CTSC: variants seen among roughly 807,000 people sequenced by gnomAD.
CTSC encodes dipeptidyl peptidase 1.
Under a neutral mutation model 40.9 loss-of-function variants are expected in CTSC, and 37 were observed. The ratio of observed to expected loss-of-function variants is 0.91; its 90% CI spans 0.70 to 1.19. CTSC has a LOEUF of 1.19. CTSC is among the 50% of genes most tolerant of loss of function. CTSC has a pLI of 0.00. For synonymous variants in CTSC, 232 were observed against 207.4 expected, an observed-to-expected ratio of 1.12 and a Z score of -1.02; for missense variants, 594 against 567.3, an observed-to-expected ratio of 1.05 and a Z score of -0.48.
intron 6 of CTSC, among the ~76,000 whole-genome samples, chr11:88,295,407 C>T (rs1181508010): frequency 6.6e-6 from 1 of 151,964 alleles, no homozygotes; most frequent in Admixed American, 6.6e-5. Context: ...ATAACAGGGC[C>T]TCACTCCGTT....
chr11:88,302,473 A>T (rs959097026), intron 4 of CTSC, among the ~76,000 whole-genome samples: 1 of 152,018 alleles, frequency 6.6e-6, no homozygotes, highest in Admixed American at 6.6e-5. Flanking sequence ...AATACAAAAA[A>T]AAATTAGCTG....
chr11:88,310,562 G>C (rs1184462628), intron 3 of CTSC, among the ~76,000 whole-genome samples: 1 of 152,080 alleles, frequency 6.6e-6, no homozygotes, highest in Non-Finnish European at 1.5e-5. Flanking sequence ...TGTGTGTAGA[G>C]AGAGAATTTT....
At chr11:88,336,415 C>G (rs970373985) in intron 1 of CTSC, among the ~76,000 whole-genome samples, 1 of 150,810 alleles carries the variant, frequency 6.6e-6, no homozygotes, top group Admixed American at 6.6e-5. Context: ...GGCATGTGCC[C>G]GTAATCCTAG....
chr11:88,335,191 C>A, intron 1 of CTSC, 109 bp from the exon 2 acceptor site: 1 of 781,510 alleles, frequency 1.3e-6, no homozygotes, highest in East Asian at 2.6e-5. Flanking sequence ...TCATGCTACC[C>A]AGTTTGAGCA....
At chr11:88,326,398 G>T in intron 2 of CTSC, 1 of 1,613,950 alleles carries the variant, frequency 6.2e-7, no homozygotes, top group Non-Finnish European at 8.5e-7. Flanking sequence ...GTCTGTTCAT[G>T]GCTGTGGTTT....
intron 4 of CTSC, among the ~76,000 whole-genome samples, chr11:88,301,605 A>G (rs1944361291): frequency 6.6e-6 from 1 of 152,194 alleles, no homozygotes; most frequent in Non-Finnish European, 1.5e-5. Context: ...CAGGCTGACT[A>G]GCTCCGTAAA....
chr11:88,331,456 C>A (rs1938352268), intron 2 of CTSC, among the ~76,000 whole-genome samples: 1 of 152,202 alleles, frequency 6.6e-6, no homozygotes, highest in South Asian at 2.1e-4. Flanking sequence ...TACACAGGCA[C>A]TTGAAGAGAT....
intron 2 of CTSC, among the ~76,000 whole-genome samples, chr11:88,318,295 A>C (rs1383533653): frequency 6.6e-6 from 1 of 152,244 alleles, no homozygotes; most frequent in Non-Finnish European, 1.5e-5. Context: ...GAGCAAGTCA[A>C]AACTAGTGAG....
chr11:88,316,180 G>C (rs941634112), intron 2 of CTSC, among the ~76,000 whole-genome samples: 21 of 152,216 alleles, frequency 1.4e-4, no homozygotes, highest in African/African-American at 4.8e-4. Flanking sequence ...TGCCTGCCTA[G>C]GGTTTTTGAC....
intron 2 of CTSC, chr11:88,324,310 A>T (rs941490919): frequency 1.7e-5 from 15 of 893,670 alleles, no homozygotes; most frequent in Non-Finnish European, 1.6e-5. Flanking sequence ...CCCTAGAAGA[A>T]AATCTAGGAA....
intron 5 of CTSC, chr11:88,296,833 A>G (rs11019226): frequency 0.037 from 5,903 of 159,514 alleles, 222 homozygotes; most frequent in South Asian, 0.15. Context: ...TATAGAGAGA[A>G]GTCAGCCTGT....
At chr11:88,325,423 G>A in intron 2 of CTSC, 7 of 985,344 alleles carry the variant, frequency 7.1e-6, no homozygotes, top group Non-Finnish European at 8.4e-6. Context: ...TATTCATGAT[G>A]CTCACAGACT....
At chr11:88,325,363 G>A in intron 2 of CTSC, 15 of 985,386 alleles carry the variant, frequency 1.5e-5, no homozygotes, top group Non-Finnish European at 1.7e-5. Context: ...AAGCTTCAAG[G>A]CAGTTCTTCT....
chr11:88,318,686 AC>A (rs1308852790), intron 2 of CTSC, among the ~76,000 whole-genome samples: 52 of 152,312 alleles, frequency 3.4e-4, no homozygotes, highest in African/African-American at 1.3e-3. Flanking sequence ...CGGGTGGATC[AC>A]CTGAAGTCGG....
At chr11:88,316,847 A>G (rs1051545639) in intron 2 of CTSC, among the ~76,000 whole-genome samples, 1 of 152,268 alleles carries the variant, frequency 6.6e-6, no homozygotes, top group Non-Finnish European at 1.5e-5. Context: ...GTATTACTTC[A>G]GAAGTGCAAA....
At chr11:88,305,224 T>G (rs530395021) in intron 4 of CTSC, among the ~76,000 whole-genome samples, 1 of 152,366 alleles carries the variant, frequency 6.6e-6, no homozygotes, top group Non-Finnish European at 1.5e-5. Context: ...GACAACCAGC[T>G]GCCCTCAGGG....
At chr11:88,335,461 G>A (rs1265767973) in intron 1 of CTSC, among the ~76,000 whole-genome samples, 1 of 152,138 alleles carries the variant, frequency 6.6e-6, no homozygotes, top group Non-Finnish European at 1.5e-5. Flanking sequence ...TGTAGTCCCA[G>A]CTATTTGAGC....
intron 4 of CTSC, 69 bp from the exon 5 acceptor site, chr11:88,300,714 C>T (rs1944350569): frequency 3.0e-6 from 3 of 984,002 alleles, no homozygotes; most frequent in African/African-American, 3.2e-5. Flanking sequence ...CTAAACTCTA[C>T]TATAATTCTA....
Position 88,294,503 on chromosome 11 carries a change from C to A in CTSC, c.895G>T (p.Glu299Ter). Residue 299 changes from glutamate to a stop codon, truncating the protein, a stop_gained, in exon 7 of 7, where the codon GAA becomes TAA. Coordinates refer to ENST00000227266, the MANE Select transcript of CTSC (RefSeq NM_001814.6). LOFTEE classifies it low-confidence loss of function (END_TRUNC). ...GCAATAAGGTATGGGAAGCCGCCTT[C>A]ACAGCCTGAAGATGAATAACACACA... ...VSCSQYAQGC[E>*]GGFPYLIAGK... The A allele has an allele frequency of 6.2e-7, 1 of 1,614,130 alleles. No homozygotes were observed. Among genetic ancestry groups the A allele is most frequent in the Non-Finnish European group, 8.5e-7 (1 of 1,180,004 alleles).
Sources: allele counts gnomAD v4.1 joint callset (sites outside exome capture counted in the v4.1 genomes callset), GRCh38; gene constraint gnomAD v4.1.1; transcripts MANE v1.5; gene names NCBI Gene and HGNC (gene_info 2026-07-23, HGNC 2026-07-21).